RBFOX1: variants seen among roughly 807,000 people sequenced by gnomAD.
RBFOX1 encodes RNA binding protein fox-1 homolog 1.
In RBFOX1, 8 loss-of-function variants were observed where a neutral mutation model predicts 57.7. The observed-to-expected ratio is 0.14, with a 90% CI of 0.08 to 0.25. The LOEUF (loss-of-function observed/expected upper bound fraction) is 0.25, where lower values mean the gene tolerates loss of function less well. RBFOX1 is among the 10% of genes least tolerant of loss of function. The pLI is 1.00. For missense variants in RBFOX1, 611 were observed against 548.5 expected (o/e 1.11, Z -1.14); for synonymous variants, 326 against 222.4 (o/e 1.47, Z -4.15).
intron 3 of RBFOX1, among the ~76,000 whole-genome samples, chr16:5,799,480 T>C (rs1164635049): frequency 6.6e-6 from 1 of 152,204 alleles, no homozygotes; most frequent in Non-Finnish European, 1.5e-5. Context: ...AACTATATAA[T>C]GATATGGAAG....
intron 4 of RBFOX1, among the ~76,000 whole-genome samples, chr16:7,285,843 T>A (rs1367911715): frequency 6.6e-6 from 1 of 152,258 alleles, no homozygotes; most frequent in Non-Finnish European, 1.5e-5. Flanking sequence ...GTTACAAATC[T>A]TCAAGTGCAG....
chr16:5,397,186 C>G (rs1231332807), intron 1 of RBFOX1, among the ~76,000 whole-genome samples: 2 of 152,226 alleles, frequency 1.3e-5, no homozygotes, highest in Non-Finnish European at 1.5e-5. Context: ...GGAGGTGACT[C>G]TCCAATCCCT....
rs192413754 is a variant in RBFOX1 at position 5,857,721 on chromosome 16, A to G, written c.319-9582A>G. ...CAGAACACTTGAGCCCAGGAGTTCA[A>G]GACCAGCCTGGGCAATATAGAGAAA... On this transcript the variant is annotated intron_variant, in intron 3 of 19. Transcript: ENST00000641259. Among the ~76,000 whole-genome samples, 320 of 152,162 alleles carry G rather than the reference A, an allele frequency of 2.1e-3. 2 individuals carry two copies. The highest frequency in any genetic ancestry group is 7.4e-3 in the African/African-American group (309 of 41,538).
intron 3 of RBFOX1, among the ~76,000 whole-genome samples, chr16:5,633,721 A>C (rs1273886191): frequency 6.6e-6 from 1 of 152,076 alleles, no homozygotes; most frequent in African/African-American, 2.4e-5. Context: ...TAAAAATACA[A>C]AAATTAGCCG....
chr16:7,292,222 T>C, intron 4 of RBFOX1, among the ~76,000 whole-genome samples: 1 of 124,558 alleles, frequency 8.0e-6, no homozygotes, highest in Admixed American at 9.4e-5. Flanking sequence ...ATATGATATA[T>C]GATATAGAAC....
chr16:7,326,204 G>T (rs959457985), intron 4 of RBFOX1, among the ~76,000 whole-genome samples: 4 of 152,206 alleles, frequency 2.6e-5, no homozygotes, highest in Non-Finnish European at 4.4e-5. Flanking sequence ...GGATTGAGGA[G>T]GTGGTGGAGG....
At chr16:6,979,542 A>C (rs1307962083) in intron 3 of RBFOX1, among the ~76,000 whole-genome samples, 1 of 152,202 alleles carries the variant, frequency 6.6e-6, no homozygotes, top group African/African-American at 2.4e-5. Context: ...TCAATTGGAT[A>C]CAGCAATGCT....
At chr16:7,278,911 G>A (rs1471159832) in intron 4 of RBFOX1, among the ~76,000 whole-genome samples, 3 of 152,280 alleles carry the variant, frequency 2.0e-5, no homozygotes, top group Middle Eastern at 3.4e-3. Context: ...GGGCTAGAGA[G>A]TGAAGATAGT....
At chr16:5,649,036 C>A (rs143233782) in intron 3 of RBFOX1, among the ~76,000 whole-genome samples, 1 of 151,424 alleles carries the variant, frequency 6.6e-6, no homozygotes, top group Non-Finnish European at 1.5e-5. Flanking sequence ...TGCACTCCAG[C>A]CTGAGAGACA....
chr16:6,239,801 C>G (rs1333601882), intron 1 of RBFOX1, among the ~76,000 whole-genome samples: 4 of 152,144 alleles, frequency 2.6e-5, no homozygotes, highest in African/African-American at 9.6e-5. Context: ...CCAGCCTCCA[C>G]CTGACTGTTA....
chr16:5,372,330 C>T (rs1024857640), intron 1 of RBFOX1, among the ~76,000 whole-genome samples: 1 of 152,172 alleles, frequency 6.6e-6, no homozygotes, highest in African/African-American at 2.4e-5. Flanking sequence ...TCAATACCCA[C>T]CTCTTTCTCC....
chr16:6,871,346 T>A (rs1192006215), intron 3 of RBFOX1, among the ~76,000 whole-genome samples: 1 of 152,078 alleles, frequency 6.6e-6, no homozygotes, highest in African/African-American at 2.4e-5. Context: ...CCATCACGCC[T>A]GGCTAATTTT....
chr16:6,859,786 A>G (rs747144348), intron 3 of RBFOX1, among the ~76,000 whole-genome samples: 8 of 151,916 alleles, frequency 5.3e-5, no homozygotes, highest in Non-Finnish European at 8.8e-5. Flanking sequence ...TAAGGCTCCA[A>G]AAGGCATTGA....
chr16:7,598,302 TGTTTGTCGC>T (rs764905263), intron 9 of RBFOX1, among the ~76,000 whole-genome samples: 30 of 147,348 alleles, frequency 2.0e-4, no homozygotes, highest in Non-Finnish European at 3.1e-4. Context: ...TTGACATAAA[TGTTTGTCGC>T]ATAACTTTAG....
chr16:6,384,720 C>T (rs1218630523), intron 2 of RBFOX1, among the ~76,000 whole-genome samples: 2 of 152,202 alleles, frequency 1.3e-5, no homozygotes, highest in Admixed American at 1.3e-4. Context: ...GTGCCTCCAT[C>T]TCAGAGTGTG....
intron 1 of RBFOX1, among the ~76,000 whole-genome samples, chr16:6,040,487 G>C (rs887489311): frequency 3.9e-5 from 6 of 152,134 alleles, no homozygotes; most frequent in African/African-American, 1.4e-4. Flanking sequence ...GGTTTCTTTT[G>C]CTTAGCATCT....
chr16:6,996,728 A>C (rs1287685906), intron 3 of RBFOX1, among the ~76,000 whole-genome samples: 1 of 152,194 alleles, frequency 6.6e-6, no homozygotes, highest in Non-Finnish European at 1.5e-5. Context: ...CATACAAATA[A>C]TGCTTTGCAA....
chr16:6,901,487 A>G (rs1243482313), intron 3 of RBFOX1, among the ~76,000 whole-genome samples: 2 of 152,166 alleles, frequency 1.3e-5, no homozygotes, highest in African/African-American at 2.4e-5. Context: ...TCCTTAGCCC[A>G]TGACTCTCGA....
At chr16:5,913,048 C>T (rs1056082950) in intron 4 of RBFOX1, among the ~76,000 whole-genome samples, 7 of 152,164 alleles carry the variant, frequency 4.6e-5, no homozygotes, top group African/African-American at 1.7e-4. Flanking sequence ...CATTGCCAAG[C>T]GTGTGACCTT....
Sources: allele counts gnomAD v4.1 joint callset (sites outside exome capture counted in the v4.1 genomes callset), GRCh38; gene constraint gnomAD v4.1.1; transcripts MANE v1.5; gene names NCBI Gene and HGNC (gene_info 2026-07-23, HGNC 2026-07-21).